The following SHTN1 variants were observed in gnomAD, a reference collection of about 807,000 sequenced individuals.
SHTN1 encodes shootin-1.
SHTN1 carries 42 observed loss-of-function variants against 83.1 expected under a neutral mutation model. The observed-to-expected ratio is 0.51, with a 90% CI of 0.39 to 0.65. The LOEUF is 0.65. Among genes scored for constraint, SHTN1 ranks in the 30% least tolerant of loss-of-function variants. SHTN1 has a pLI of 0.00. For synonymous variants in SHTN1, 224 were observed against 247.7 expected (o/e 0.90, Z 0.90); for missense variants, 622 against 737.8 (o/e 0.84, Z 1.82).
Position 116,883,435 on chromosome 10 carries a change from T to A in SHTN1, c.*2909A>T, listed in dbSNP as rs569818658. ...ACCACTCCAATCCTTATGCAGGGAC[T>A]GCTTGATGAGTCTTTGAAGGTCAGT... On this transcript the variant is annotated 3_prime_UTR_variant, in exon 17 of 17. Coordinates refer to ENST00000355371, the MANE Select transcript of SHTN1 (RefSeq NM_001127211.3). 3.9e-5 allele frequency: 6 copies of A among 152,236 alleles called. No individual in the cohort carries two copies. The highest frequency in any genetic ancestry group is 8.8e-5 in the Non-Finnish European group (6 of 68,040). 9.4% of individuals were successfully genotyped at this position (152,236 alleles called of 1,614,324 possible).
chr10:116,956,263 T>C (rs926844642), intron 4 of SHTN1, among the ~76,000 whole-genome samples: 2 of 152,184 alleles, frequency 1.3e-5, no homozygotes, highest in Non-Finnish European at 2.9e-5. Flanking sequence ...GTTTCCCAGG[T>C]GATTCTAATG....
chr10:116,944,421 T>TAGTAACTGACATGGCCA (rs1459535615), intron 8 of SHTN1, among the ~76,000 whole-genome samples: 3 of 152,192 alleles, frequency 2.0e-5, no homozygotes, highest in African/African-American at 7.2e-5. Context: ...GGTCATACAC[T>TAGTAACTGACATGGCCA]ACTACAACTA....
At chr10:116,962,925 A>G (rs1156991353) in intron 3 of SHTN1, among the ~76,000 whole-genome samples, 1 of 151,836 alleles carries the variant, frequency 6.6e-6, no homozygotes, top group Non-Finnish European at 1.5e-5. Context: ...AAGGGTGATT[A>G]TATCTTTAAA....
At chr10:117,111,937 A>C (rs1444520858) in intron 1 of SHTN1, among the ~76,000 whole-genome samples, 1 of 152,046 alleles carries the variant, frequency 6.6e-6, no homozygotes, top group African/African-American at 2.4e-5. Flanking sequence ...GCCCCCAAGC[A>C]CATACCAGTG....
intron 16 of SHTN1, among the ~76,000 whole-genome samples, chr10:116,887,973 C>T (rs1847217828): frequency 6.6e-6 from 1 of 152,170 alleles, no homozygotes; most frequent in Admixed American, 6.5e-5. Flanking sequence ...AACCCAAAGA[C>T]CACACTGCTT....
At chr10:117,090,883 T>TA (rs1564956336) in intron 1 of SHTN1, among the ~76,000 whole-genome samples, 4 of 151,892 alleles carry the variant, frequency 2.6e-5, no homozygotes, top group African/African-American at 9.7e-5. Context: ...GGAAGAAGAA[T>TA]AAGAAAAAGG....
intron 2 of SHTN1, among the ~76,000 whole-genome samples, chr10:117,042,827 G>A (rs1041763306): frequency 6.6e-6 from 1 of 151,944 alleles, no homozygotes; most frequent in Non-Finnish European, 1.5e-5. Flanking sequence ...TATTTCTTAG[G>A]CTGGTCACGA....
chr10:116,886,910 AC>A (rs1205585356), intron 16 of SHTN1, among the ~76,000 whole-genome samples: 1 of 151,680 alleles, frequency 6.6e-6, no homozygotes, highest in African/African-American at 2.4e-5. Context: ...TGCTGCCCAG[AC>A]CCCCACCCGC....
intron 1 of SHTN1, among the ~76,000 whole-genome samples, chr10:117,002,296 G>T (rs1851848013): frequency 6.6e-6 from 1 of 152,092 alleles, no homozygotes; most frequent in Non-Finnish European, 1.5e-5. Context: ...AATTAATTTG[G>T]TGACAAGGAC....
chr10:116,984,384 C>CTCT (rs1851154095), intron 1 of SHTN1, among the ~76,000 whole-genome samples: 1 of 152,218 alleles, frequency 6.6e-6, no homozygotes, highest in South Asian at 2.1e-4. Context: ...GGACACAGAA[C>CTCT]ATTTCCAACA....
chr10:117,118,317 A>T (rs959585347), intron 1 of SHTN1, among the ~76,000 whole-genome samples: 1 of 150,284 alleles, frequency 6.7e-6, no homozygotes, highest in African/African-American at 2.5e-5. Flanking sequence ...AACATCCCTA[A>T]TCATCAGAGA....
chr10:117,112,586 G>C lies in SHTN1; in HGVS notation c.-189+13721C>G, dbSNP rs140425377. Among the ~76,000 whole-genome samples, 30 of 152,262 alleles carry C rather than the reference G, an allele frequency of 2.0e-4. No homozygotes were observed. The East Asian group carries it at 5.8e-3, about 29-fold the overall frequency. On this transcript the variant is annotated intron_variant, in intron 1 of 17. Transcript: ENST00000392901. ...TATTATTATTCTGTTTTATAGCTGA[G>C]GAAACAAAGGCTCAGATAGACTTAG...
chr10:116,971,205 T>C (rs576251214), intron 2 of SHTN1, among the ~76,000 whole-genome samples: 1 of 152,138 alleles, frequency 6.6e-6, no homozygotes, highest in African/African-American at 2.4e-5. Context: ...GGTTACTAAA[T>C]CCTGACTCAG....
intron 14 of SHTN1, 28 bp from the exon 15 acceptor site, chr10:116,906,775 A>C: frequency 6.3e-7 from 1 of 1,587,460 alleles, no homozygotes. Context: ...CAAAAACAAA[A>C]AGGTTAATGT....
chr10:116,901,089 CTTTTCT>C (rs897651180), intron 16 of SHTN1: 2 of 985,198 alleles, frequency 2.0e-6, no homozygotes, highest in African/African-American at 3.5e-5. Context: ...TCACCTCTTC[CTTTTCT>C]TTAAGTGACA....
intron 16 of SHTN1, chr10:116,901,290 C>T (rs914100939): frequency 1.0e-6 from 1 of 985,286 alleles, no homozygotes; most frequent in Non-Finnish European, 1.2e-6. Flanking sequence ...TAACTCTTTA[C>T]ATAGTATGTT....
chr10:117,006,415 A>C (rs1852011462), upstream of SHTN1, among the ~76,000 whole-genome samples: 2 of 151,810 alleles, frequency 1.3e-5, no homozygotes, highest in African/African-American at 2.4e-5. Flanking sequence ...AAATACAAAA[A>C]ATTAGCCGGG....
intron 2 of SHTN1, among the ~76,000 whole-genome samples, chr10:116,975,938 G>C (rs1334034465): frequency 6.6e-6 from 1 of 152,204 alleles, no homozygotes; most frequent in African/African-American, 2.4e-5. Context: ...AAAGGATCGG[G>C]TCTGATAATT....
intron 1 of SHTN1, among the ~76,000 whole-genome samples, chr10:117,100,564 A>G (rs775346446): frequency 1.3e-5 from 2 of 152,136 alleles, no homozygotes; most frequent in Non-Finnish European, 2.9e-5. Flanking sequence ...TGTTAGCAAA[A>G]ATCCTTACAT....
Sources: allele counts gnomAD v4.1 joint callset (sites outside exome capture counted in the v4.1 genomes callset), GRCh38; gene constraint gnomAD v4.1.1; transcripts MANE v1.5; gene names NCBI Gene and HGNC (gene_info 2026-07-23, HGNC 2026-07-21).